Variants in NSD2 observed in about 807,000 individuals in gnomAD.
NSD2 encodes the protein histone-lysine N-methyltransferase NSD2.
NSD2 carries 12 observed loss-of-function variants against 139.0 expected under a neutral mutation model. That is an observed-to-expected ratio of 0.09 (90% CI 0.06 to 0.14). The LOEUF is 0.14. NSD2 is among the 10% of genes least tolerant of loss of function. The pLI is 1.00. For synonymous variants in NSD2, 669 were observed against 648.7 expected (o/e 1.03, Z -0.48); for missense variants, 1,155 against 1,745.0 (o/e 0.66, Z 6.02).
chr4:1,918,125 C>T lies in NSD2; in HGVS notation c.928-16C>T, dbSNP rs747724723. On this transcript the variant is annotated splice_polypyrimidine_tract_variant and intron_variant, in intron 4 of 21. Transcript: ENST00000508803. ...TTGTGTAGTGAAACTTACAGTGTCTCTTTTTTTTTTCCCAGCTATTGAAAC... is the reference window on the plus strand; with the variant it reads ...TTGTGTAGTGAAACTTACAGTGTCTTTTTTTTTTTTCCCAGCTATTGAAAC... 3 of 1,467,850 alleles carry T rather than the reference C, an allele frequency of 2.0e-6. No individual in the cohort carries two copies. The highest frequency in any genetic ancestry group is 1.9e-5 in the Admixed American group (1 of 52,002). 90.9% of individuals were successfully genotyped at this position (1,467,850 alleles called of 1,614,324 possible).
chr4:1,921,901 C>T (rs1451564108), intron 5 of NSD2, among the ~76,000 whole-genome samples: 1 of 151,858 alleles, frequency 6.6e-6, no homozygotes, highest in Non-Finnish European at 1.5e-5. Context: ...GTAATCCCAA[C>T]ACTTTGGAGG....
intron 5 of NSD2, among the ~76,000 whole-genome samples, chr4:1,929,298 G>A (rs1577467810): frequency 6.6e-6 from 1 of 152,154 alleles, no homozygotes; most frequent in African/African-American, 2.4e-5. Flanking sequence ...TGGGGGCAGA[G>A]GTTACCTGTA....
chr4:1,894,501 C>T (rs897674109), intron 1 of NSD2, among the ~76,000 whole-genome samples: 6 of 151,732 alleles, frequency 4.0e-5, no homozygotes, highest in South Asian at 2.1e-4. Flanking sequence ...GGTGAAACCC[C>T]GTCTCTACAA....
At chr4:1,960,940 C>G in intron 17 of NSD2, 95 bp from the exon 18 acceptor site, 1 of 888,972 alleles carries the variant, frequency 1.1e-6, no homozygotes, top group South Asian at 1.5e-5. Context: ...GTGTGTGGTG[C>G]CCGTTCTAAG....
chr4:1,947,767 A>C (rs952320478), intron 9 of NSD2: 1 of 1,049,356 alleles, frequency 9.5e-7, no homozygotes, highest in African/African-American at 1.7e-5. Flanking sequence ...ATGTCAGTTT[A>C]TAGAAATATT....
chr4:1,953,226 C>A (rs765179536), intron 11 of NSD2, 98 bp from the exon 12 acceptor site: 1 of 1,602,302 alleles, frequency 6.2e-7, no homozygotes, highest in Admixed American at 1.7e-5. Context: ...GCATGGCTGC[C>A]TCTGAAGAGG....
At chr4:1,939,981 A>G (rs754730582) in intron 9 of NSD2, 15 of 1,430,544 alleles carry the variant, frequency 1.0e-5, no homozygotes, top group South Asian at 7.4e-5. Flanking sequence ...AGCACTTTTT[A>G]TACACACGCA....
At position 1,955,570 on chromosome 4, in the gene NSD2, A is replaced by G; in HGVS notation, c.2519-123A>G. ...CATTTGCTCTCGTGCTGATGTACAG[A>G]TCGCTGTTTTAAAACTGATGTTTAT... On this transcript the variant is annotated intron_variant, in intron 13 of 21. Transcript: ENST00000508803. This position sits in a 1 kb window ranked among gnomAD's most constrained non-coding sequence, Gnocchi z 4.7. 1 of 1,305,018 alleles carries G rather than the reference A, an allele frequency of 7.7e-7. No individual in the cohort carries two copies. The highest frequency in any genetic ancestry group is 1.0e-6 in the Non-Finnish European group (1 of 977,066). The allele number at this position is 1,305,018 out of a possible 1,614,324, so 80.8% of individuals were successfully genotyped here. A position where few individuals can be genotyped will look rare whatever the true frequency, so the allele number is the denominator to read the frequency against.
chr4:1,967,594 A>T (rs566785811), intron 18 of NSD2, among the ~76,000 whole-genome samples: 8 of 151,790 alleles, frequency 5.3e-5, no homozygotes, highest in African/African-American at 1.7e-4. Flanking sequence ...AAAAAAAAAG[A>T]TATTTCCAAC....
chr4:1,968,546 A>G (rs1185583741), intron 18 of NSD2, among the ~76,000 whole-genome samples: 1 of 152,238 alleles, frequency 6.6e-6, no homozygotes, highest in East Asian at 1.9e-4. Context: ...TTAAAGGGTA[A>G]AAAGGAGAAT....
chr4:1,961,237 G>A (rs1725334908), intron 18 of NSD2, 86 bp downstream of exon 18: 2 of 1,067,538 alleles, frequency 1.9e-6, no homozygotes, highest in Admixed American at 4.3e-5. Flanking sequence ...TTTGCCCTGT[G>A]GCAGCGCCAG....
chr4:1,979,002 C>G lies in NSD2; in HGVS notation c.*93C>G. On this transcript the variant is annotated 3_prime_UTR_variant, in exon 22 of 22. Transcript: ENST00000508803. Reference sequence around the variant, plus strand: ...CGAGCATGAACTGGCCCGGAGGACCCAGCTCGAGCCGCCAGGACACAGACG... The same window carrying G: ...CGAGCATGAACTGGCCCGGAGGACCGAGCTCGAGCCGCCAGGACACAGACG... The G allele has an allele frequency of 7.1e-7, 1 of 1,411,442 alleles. No homozygotes were observed. Among genetic ancestry groups the G allele is most frequent in the Non-Finnish European group, 9.3e-7 (1 of 1,078,976 alleles). 87.4% of individuals were successfully genotyped at this position (1,411,442 alleles called of 1,614,324 possible). A position where few individuals can be genotyped will look rare whatever the true frequency, so the allele number is the denominator to read the frequency against.
At chr4:1,883,421 C>T (rs1424994969) in intron 1 of NSD2, among the ~76,000 whole-genome samples, 1 of 151,934 alleles carries the variant, frequency 6.6e-6, no homozygotes, top group Non-Finnish European at 1.5e-5. Context: ...CACTTGAGGC[C>T]AGGAGTTCAA....
chr4:1,904,404 C>T, intron 3 of NSD2, 26 bp downstream of exon 3: 1 of 1,586,510 alleles, frequency 6.3e-7, no homozygotes, highest in Non-Finnish European at 8.6e-7. Context: ...GGTTGTTTTT[C>T]CAACTTTCTC....
At chr4:1,966,671 AAAG>A (rs1406398515) in intron 18 of NSD2, among the ~76,000 whole-genome samples, 1 of 151,966 alleles carries the variant, frequency 6.6e-6, no homozygotes, top group Non-Finnish European at 1.5e-5. Context: ...AAAAAAAAAA[AAAG>A]AGACATACAT....
chr4:1,934,908 T>A lies in NSD2; in HGVS notation c.1556-236T>A, dbSNP rs868393497. 1.2e-3 allele frequency among the ~76,000 whole-genome samples: 92 copies of A among 78,838 alleles called. 1 individual carries two copies. The highest frequency in any genetic ancestry group is 4.6e-3 in the Admixed American group (30 of 6,570). 51.7% of individuals were successfully genotyped at this position (78,838 alleles called of 152,430 possible). On this transcript the variant is annotated intron_variant, in intron 6 of 21. Coordinates refer to ENST00000508803, the MANE Select transcript of NSD2 (RefSeq NM_001042424.3). ...ATATATATATATATATATATATATA[T>A]AAAAAACAGATAAAACAGATGCTAA... is the stretch of plus-strand genomic sequence containing the variant.
At chr4:1,939,845 G>T in intron 9 of NSD2, 67 bp downstream of exon 9, 1 of 1,611,084 alleles carries the variant, frequency 6.2e-7, no homozygotes, top group East Asian at 2.2e-5. Flanking sequence ...CCACGCTGCA[G>T]TGTGAGTAAT....
Position 1,888,631 on chromosome 4 carries a change from C to G in NSD2, c.-29-11995C>G, listed in dbSNP as rs149836225. Among the ~76,000 whole-genome samples the G allele has an allele frequency of 1.5e-3, 223 of 151,960 alleles. 1 individual carries two copies. Among genetic ancestry groups the G allele is most frequent in the Admixed American group, 2.0e-3 (31 of 15,250 alleles). Reference sequence around the variant, plus strand: ...ACCCAGGCTGGATTGCAGTGGCAATCTCGGCTTACTGCGGCCTCCACCTCC... The same window carrying G: ...ACCCAGGCTGGATTGCAGTGGCAATGTCGGCTTACTGCGGCCTCCACCTCC... On this transcript the variant is annotated intron_variant, in intron 1 of 21. Coordinates refer to ENST00000508803, the MANE Select transcript of NSD2 (RefSeq NM_001042424.3).
In NSD2 at chr4:1,980,833, AC is replaced by A. The variant is rs1259017935; in HGVS notation, c.*1925del. On this transcript the variant is annotated 3_prime_UTR_variant, in exon 22 of 22. Coordinates refer to ENST00000508803, the MANE Select transcript of NSD2 (RefSeq NM_001042424.3). ...GTAGTGCTTTCCAGTTCAGACTCTA[AC>A]TTCTCCCAAAGTGTCCTAAGAAAAT... 1 of 232,854 alleles carries A rather than the reference AC, an allele frequency of 4.3e-6. No homozygotes were observed. The highest frequency in any genetic ancestry group is 8.5e-6 in the Non-Finnish European group (1 of 118,034). The allele number at this position is 232,854 out of a possible 1,614,324, so 14.4% of individuals were successfully genotyped here.
Sources: gnomAD v4.1 joint callset for allele counts (sites outside exome capture counted in the v4.1 genomes callset) on GRCh38, gnomAD v4.1.1 for gene constraint, Gnocchi (gnomAD v3.1) non-coding constraint, MANE v1.5 for transcripts, NCBI Gene and HGNC (gene_info 2026-07-23, HGNC 2026-07-21) for gene names.